The following XYLT1 variants were observed in gnomAD, a reference collection of about 807,000 sequenced individuals.
The protein encoded by XYLT1 is beta-D-xylosyltransferase 1.
Under a neutral mutation model 91.3 loss-of-function variants are expected in XYLT1, and 36 were observed. That is an observed-to-expected ratio of 0.39 (90% CI 0.30 to 0.52). XYLT1 has a LOEUF of 0.52. XYLT1 is among the 20% of genes least tolerant of loss of function. The pLI is 0.68. For synonymous variants in XYLT1, 588 were observed against 532.0 expected, an observed-to-expected ratio of 1.11 and a Z score of -1.45; for missense variants, 1,242 against 1,284.5, an observed-to-expected ratio of 0.97 and a Z score of 0.51.
chr16:17,402,710 G>A (rs2141902893), intron 1 of XYLT1, among the ~76,000 whole-genome samples: 1 of 150,220 alleles, frequency 6.7e-6, no homozygotes, highest in Non-Finnish European at 1.5e-5. Flanking sequence ...ACATACATGG[G>A]TGTTTGTTTT....
intron 3 of XYLT1, among the ~76,000 whole-genome samples, chr16:17,207,409 C>T (rs2032671173): frequency 1.3e-5 from 2 of 152,144 alleles, no homozygotes; most frequent in Admixed American, 6.5e-5. Flanking sequence ...GAGCCAAGGT[C>T]ATGCTCTTAT....
intron 5 of XYLT1, among the ~76,000 whole-genome samples, chr16:17,160,009 G>C (rs538945281): frequency 1.4e-4 from 22 of 152,348 alleles, no homozygotes; most frequent in Admixed American, 1.2e-3. Flanking sequence ...ACAGAGAAGA[G>C]AGCAGAAAGA....
rs114632329 is a variant in XYLT1 at position 17,419,520 on chromosome 16, G to A, written c.363+50914C>T. Among the ~76,000 whole-genome samples the A allele has an allele frequency of 6.0e-3, 908 of 152,194 alleles. 13 individuals carry two copies. The highest frequency in any genetic ancestry group is 0.021 in the African/African-American group (865 of 41,508). On this transcript the variant is annotated intron_variant, in intron 1 of 11. Coordinates refer to ENST00000261381, the MANE Select transcript of XYLT1 (RefSeq NM_022166.4). ...CAAAAACAGGCAGTGGGCCAGATTC[G>A]CCCATCCCTGGTACACAGCATAATA...
chr16:17,270,167 G>A (rs936328057), intron 2 of XYLT1, among the ~76,000 whole-genome samples: 1 of 152,246 alleles, frequency 6.6e-6, no homozygotes, highest in Non-Finnish European at 1.5e-5. Flanking sequence ...GTTGAGTTCA[G>A]TTCCATGCTG....
chr16:17,365,844 G>A (rs2035447898), intron 1 of XYLT1, among the ~76,000 whole-genome samples: 1 of 152,108 alleles, frequency 6.6e-6, no homozygotes, highest in Non-Finnish European at 1.5e-5. Context: ...GTATCCTTGA[G>A]CACAAATGGT....
intron 2 of XYLT1, among the ~76,000 whole-genome samples, chr16:17,340,235 G>T (rs2035046948): frequency 6.6e-6 from 1 of 152,210 alleles, no homozygotes; most frequent in Non-Finnish European, 1.5e-5. Flanking sequence ...CCCAGATCCA[G>T]TTCTGCAGCT....
intron 2 of XYLT1, among the ~76,000 whole-genome samples, chr16:17,301,785 G>C (rs1215751311): frequency 6.6e-6 from 1 of 152,202 alleles, no homozygotes; most frequent in Non-Finnish European, 1.5e-5. Context: ...TACAAAAGTG[G>C]AAAGACTAGG....
intron 2 of XYLT1, among the ~76,000 whole-genome samples, chr16:17,317,425 G>C (rs1419767383): frequency 6.6e-6 from 1 of 151,734 alleles, no homozygotes; most frequent in Non-Finnish European, 1.5e-5. Context: ...TTGAGCCCAG[G>C]AGTTCAAGAC....
intron 3 of XYLT1, among the ~76,000 whole-genome samples, chr16:17,247,268 G>A (rs1159092897): frequency 1.3e-5 from 2 of 150,352 alleles, no homozygotes; most frequent in Admixed American, 1.3e-4. Context: ...ACAATCAGTT[G>A]TGCCCAAGGG....
At chr16:17,336,683 A>C (rs1243075937) in intron 2 of XYLT1, among the ~76,000 whole-genome samples, 1 of 152,226 alleles carries the variant, frequency 6.6e-6, no homozygotes, top group Admixed American at 6.5e-5. Context: ...GGTTGGGGCA[A>C]GTCCAGCCCG....
intron 2 of XYLT1, among the ~76,000 whole-genome samples, chr16:17,327,548 G>C (rs1307785267): frequency 1.5e-5 from 2 of 137,264 alleles, no homozygotes; most frequent in Non-Finnish European, 3.0e-5. Context: ...ATTTTTAGTA[G>C]AGACGGAGTT....
intron 1 of XYLT1, among the ~76,000 whole-genome samples, chr16:17,362,399 G>A (rs1389782056): frequency 2.0e-5 from 3 of 152,202 alleles, no homozygotes; most frequent in Admixed American, 6.5e-5. Flanking sequence ...ACTAAGTTCC[G>A]ATTCAGTAGC....
intron 11 of XYLT1, among the ~76,000 whole-genome samples, chr16:17,112,673 G>T (rs193246068): frequency 5.5e-4 from 83 of 152,282 alleles, no homozygotes; most frequent in African/African-American, 1.9e-3. Context: ...CTCTAAGGGG[G>T]TGGGATTGGG....
At chr16:17,161,263 A>G (rs2031543325) in intron 5 of XYLT1, among the ~76,000 whole-genome samples, 1 of 152,156 alleles carries the variant, frequency 6.6e-6, no homozygotes, top group African/African-American at 2.4e-5. Context: ...ATGCTTCCAC[A>G]TGAAATCGTC....
At chr16:17,190,697 A>C (rs911643442) in intron 5 of XYLT1, among the ~76,000 whole-genome samples, 1 of 152,114 alleles carries the variant, frequency 6.6e-6, no homozygotes, top group Admixed American at 6.5e-5. Context: ...TCTATCATTG[A>C]TGGACATTTG....
chr16:17,200,677 G>A (rs1423324088), intron 3 of XYLT1, 23 bp from the exon 4 acceptor site: 3 of 1,603,822 alleles, frequency 1.9e-6, no homozygotes, highest in Admixed American at 1.7e-5. Flanking sequence ...CAAGAGAACA[G>A]AGAGGAGAAA....
chr16:17,406,389 C>A lies in XYLT1; in HGVS notation c.364-48339G>T, dbSNP rs1027308087. Among the ~76,000 whole-genome samples, 88 of 152,214 alleles carry A rather than the reference C, an allele frequency of 5.8e-4. 1 individual carries two copies. Among genetic ancestry groups the A allele is most frequent in the South Asian group, 4.1e-4 (2 of 4,834 alleles). ...TAATGAACAGCTGTGTGACTTAGAG[C>A]ACACTGCTTCCCCTCTCTGTGCTCC... On this transcript the variant is annotated intron_variant, in intron 1 of 11. Coordinates refer to ENST00000261381, the MANE Select transcript of XYLT1 (RefSeq NM_022166.4).
chr16:17,433,681 G>A (rs916621783), intron 1 of XYLT1, among the ~76,000 whole-genome samples: 3 of 152,214 alleles, frequency 2.0e-5, no homozygotes, highest in African/African-American at 7.2e-5. Context: ...ACCCCGCCGA[G>A]GAGGCTTTGG....
intron 2 of XYLT1, among the ~76,000 whole-genome samples, chr16:17,278,332 C>A (rs9937684): frequency 1.8e-3 from 274 of 152,316 alleles, no homozygotes; most frequent in African/African-American, 6.1e-3. Flanking sequence ...AGCAAGCCGG[C>A]AGCTGCACCT....
Sources: allele counts gnomAD v4.1 joint callset (sites outside exome capture counted in the v4.1 genomes callset), GRCh38; gene constraint gnomAD v4.1.1; transcripts MANE v1.5; gene names NCBI Gene and HGNC (gene_info 2026-07-23, HGNC 2026-07-21).